LIMCH1: variants seen among roughly 807,000 people sequenced by gnomAD.
LIMCH1 encodes the protein LIM and calponin homology domains 1.
LIMCH1 carries 113 observed loss-of-function variants against 176.5 expected under a neutral mutation model. The observed-to-expected ratio is 0.64, with a 90% CI of 0.55 to 0.75. The LOEUF (loss-of-function observed/expected upper bound fraction) is 0.75. Ranked by LOEUF, LIMCH1 falls within the 30% of genes least tolerant of loss-of-function variation. The pLI, the probability that LIMCH1 is intolerant of heterozygous loss-of-function variation, is 0.00. For synonymous variants in LIMCH1, 619 were observed against 645.9 expected (o/e 0.96, Z 0.63); for missense variants, 1,674 against 1,814.9 (o/e 0.92, Z 1.41).
chr4:41,467,154 TATATAC>T (rs879371256), intron 1 of LIMCH1, among the ~76,000 whole-genome samples: 11 of 92,844 alleles, frequency 1.2e-4, no homozygotes, highest in South Asian at 3.7e-4. Flanking sequence ...TGTGTATGTA[TATATAC>T]ACACACACAC....
chr4:41,572,281 A>C (rs1344244402), intron 1 of LIMCH1, among the ~76,000 whole-genome samples: 1 of 152,256 alleles, frequency 6.6e-6, no homozygotes, highest in Non-Finnish European at 1.5e-5. Context: ...AGATACACAC[A>C]GTTCGGGGGT....
chr4:41,484,686 A>G (rs549293751), intron 1 of LIMCH1, among the ~76,000 whole-genome samples: 4 of 152,212 alleles, frequency 2.6e-5, no homozygotes, highest in Admixed American at 6.5e-5. Context: ...CTTTTGTACA[A>G]TTTAGGGAAT....
chr4:41,596,480 G>A (rs186084823), intron 1 of LIMCH1, among the ~76,000 whole-genome samples: 1 of 152,216 alleles, frequency 6.6e-6, no homozygotes, highest in Admixed American at 6.5e-5. Flanking sequence ...GATTGAAAAC[G>A]ATTTATTTCA....
At chr4:41,657,491 T>C (rs2152966794) in intron 18 of LIMCH1, among the ~76,000 whole-genome samples, 1 of 152,332 alleles carries the variant, frequency 6.6e-6, no homozygotes, top group East Asian at 1.9e-4. Flanking sequence ...CATTGCAGAA[T>C]ACAGAAAACT....
intron 1 of LIMCH1, among the ~76,000 whole-genome samples, chr4:41,493,263 C>G (rs1419354206): frequency 2.0e-5 from 3 of 151,826 alleles, no homozygotes; most frequent in Non-Finnish European, 4.4e-5. Flanking sequence ...CTTTGTTCCC[C>G]TCTCCCTTTT....
chr4:41,475,126 G>A (rs779412269), intron 1 of LIMCH1, among the ~76,000 whole-genome samples: 3 of 152,138 alleles, frequency 2.0e-5, no homozygotes, highest in African/African-American at 7.2e-5. Context: ...TTGCCTACCT[G>A]TATCCAGGAA....
chr4:41,473,502 T>A (rs924015123), intron 1 of LIMCH1, among the ~76,000 whole-genome samples: 1 of 152,200 alleles, frequency 6.6e-6, no homozygotes, highest in Non-Finnish European at 1.5e-5. Context: ...TCCCTTGCAG[T>A]GTAATCAAGA....
At chr4:41,466,374 C>T (rs2066121687) in intron 1 of LIMCH1, among the ~76,000 whole-genome samples, 1 of 152,214 alleles carries the variant, frequency 6.6e-6, no homozygotes, top group South Asian at 2.1e-4. Flanking sequence ...TGCCCAGGCC[C>T]CACTTCACAA....
chr4:41,444,702 G>A (rs2063094295), intron 1 of LIMCH1, among the ~76,000 whole-genome samples: 2 of 152,126 alleles, frequency 1.3e-5, no homozygotes. Flanking sequence ...CCCTAAAGAG[G>A]GGCAACCTAA....
At chr4:41,524,174 T>C (rs964146219) in intron 2 of LIMCH1, among the ~76,000 whole-genome samples, 1 of 152,218 alleles carries the variant, frequency 6.6e-6, no homozygotes, top group African/African-American at 2.4e-5. Context: ...GTCTCTACCT[T>C]TTCTCATCTC....
chr4:41,689,812 G>A (rs748835661), intron 30 of LIMCH1, 177 bp downstream of exon 30: 3 of 486,532 alleles, frequency 6.2e-6, no homozygotes, highest in Non-Finnish European at 1.1e-5. Flanking sequence ...CCTCTGGGAT[G>A]TCAGATTAGA....
At chr4:41,482,415 T>C (rs1049103470) in intron 1 of LIMCH1, among the ~76,000 whole-genome samples, 1 of 151,986 alleles carries the variant, frequency 6.6e-6, no homozygotes, top group Non-Finnish European at 1.5e-5. Context: ...TAGAAGTCCC[T>C]AAGGCTGTGG....
At chr4:41,594,522 C>T (rs1406209032) in intron 1 of LIMCH1, among the ~76,000 whole-genome samples, 1 of 152,176 alleles carries the variant, frequency 6.6e-6, no homozygotes, top group Non-Finnish European at 1.5e-5. Context: ...TCACAGAATG[C>T]ATTTTATGTA....
At chr4:41,415,731 A>C (rs948653750) in intron 1 of LIMCH1, among the ~76,000 whole-genome samples, 81 of 152,104 alleles carry the variant, frequency 5.3e-4, no homozygotes, top group African/African-American at 1.9e-3. Context: ...TAATCCCAGC[A>C]CTTTGGGAGG....
Position 41,370,401 on chromosome 4 carries a change from A to G in LIMCH1, c.96+9465A>G, listed in dbSNP as rs145664751. On this transcript the variant is annotated intron_variant, in intron 1 of 26. Transcript: ENST00000313860. ...TATTTTTAAAGGAAAAAAACCCAAAATAACTGACTAGTAGCTGGTATCCAT... is the reference window on the plus strand; with the variant it reads ...TATTTTTAAAGGAAAAAAACCCAAAGTAACTGACTAGTAGCTGGTATCCAT... Among the ~76,000 whole-genome samples, 411 of 152,290 alleles carry G rather than the reference A, an allele frequency of 2.7e-3. 16 individuals carry two copies. The East Asian group carries it at 0.067, about 25-fold the overall frequency.
chr4:41,507,434 T>G (rs2074320046), intron 2 of LIMCH1, among the ~76,000 whole-genome samples: 1 of 151,802 alleles, frequency 6.6e-6, no homozygotes, highest in African/African-American at 2.4e-5. Flanking sequence ...CTACCAAGAG[T>G]CACCTCATTA....
intron 29 of LIMCH1, 37 bp from the exon 30 acceptor site, chr4:41,689,490 C>A: frequency 8.7e-7 from 1 of 1,152,248 alleles, no homozygotes; most frequent in Non-Finnish European, 1.3e-6. Flanking sequence ...GTATTCTAAA[C>A]TGAAGTTTTT....
At chr4:41,546,057 T>C (rs1203496400) in intron 1 of LIMCH1, among the ~76,000 whole-genome samples, 2 of 152,226 alleles carry the variant, frequency 1.3e-5, no homozygotes, top group South Asian at 2.1e-4. Context: ...TATTTGATGA[T>C]ATATTGTTAT....
intron 1 of LIMCH1, among the ~76,000 whole-genome samples, chr4:41,491,122 G>GAA (rs1436543420): frequency 3.4e-5 from 5 of 148,794 alleles, no homozygotes; most frequent in Admixed American, 6.7e-5. Context: ...CCTCCCAGAT[G>GAA]GGGCGGCTGG....
Sources: gnomAD v4.1 joint callset for allele counts (sites outside exome capture counted in the v4.1 genomes callset) on GRCh38, gnomAD v4.1.1 for gene constraint, MANE v1.5 for transcripts, NCBI Gene and HGNC (gene_info 2026-07-23, HGNC 2026-07-21) for gene names.